MMP16: variants seen among roughly 807,000 people sequenced by gnomAD.
The protein encoded by MMP16 is matrix metallopeptidase 16.
In MMP16, 12 loss-of-function variants were observed where a neutral mutation model predicts 67.8. That is an observed-to-expected ratio of 0.18 (90% CI 0.11 to 0.29). The LOEUF (loss-of-function observed/expected upper bound fraction) is 0.29. MMP16 is among the 10% of genes least tolerant of loss of function. MMP16 has a pLI of 1.00. For missense variants in MMP16, 475 were observed against 765.7 expected, an observed-to-expected ratio of 0.62 and a Z score of 4.48; for synonymous variants, 249 against 255.9, an observed-to-expected ratio of 0.97 and a Z score of 0.26.
intron 6 of MMP16, among the ~76,000 whole-genome samples, chr8:88,087,789 A>G (rs1342181814): frequency 2.6e-5 from 4 of 151,352 alleles, no homozygotes; most frequent in Admixed American, 6.6e-5. Context: ...ACAAAAAACA[A>G]AAAAATAGCT....
chr8:88,287,302 T>C (rs970084813), intron 1 of MMP16, among the ~76,000 whole-genome samples: 2 of 152,208 alleles, frequency 1.3e-5, no homozygotes, highest in East Asian at 1.9e-4. Flanking sequence ...TCCTTCTGTA[T>C]GTTATTCTGT....
intron 1 of MMP16, among the ~76,000 whole-genome samples, chr8:88,261,634 T>C (rs1273640889): frequency 6.6e-6 from 1 of 152,000 alleles, no homozygotes; most frequent in East Asian, 1.9e-4. Context: ...AAATGGAGAC[T>C]GCGTATCATC....
At chr8:88,215,777 T>A (rs1183428795) in intron 1 of MMP16, among the ~76,000 whole-genome samples, 2 of 152,146 alleles carry the variant, frequency 1.3e-5, no homozygotes, top group African/African-American at 4.8e-5. Flanking sequence ...CAGGAAATAG[T>A]TTCATACTGA....
At chr8:88,292,498 T>C (rs1810941247) in intron 1 of MMP16, among the ~76,000 whole-genome samples, 2 of 152,184 alleles carry the variant, frequency 1.3e-5, no homozygotes, top group Admixed American at 6.5e-5. Flanking sequence ...CTTGAAATAA[T>C]ACTGGCTGTT....
chr8:88,161,690 G>A (rs113513706), intron 4 of MMP16, among the ~76,000 whole-genome samples: 2 of 152,136 alleles, frequency 1.3e-5, no homozygotes, highest in African/African-American at 4.8e-5. Context: ...TGGGCATGTA[G>A]TGCTATAAAT....
intron 3 of MMP16, among the ~76,000 whole-genome samples, chr8:88,183,712 C>CTTTTTTTTTTTTTTTT (rs71277981): frequency 1.1e-5 from 1 of 92,068 alleles, no homozygotes; most frequent in Non-Finnish European, 2.0e-5. Flanking sequence ...AAATGTCCTT[C>CTTTTTTTTTTTTTTTT]TTTTTTTTTT....
intron 7 of MMP16, among the ~76,000 whole-genome samples, chr8:88,068,581 G>C (rs1808493355): frequency 6.6e-6 from 1 of 151,664 alleles, no homozygotes; most frequent in South Asian, 2.1e-4. Context: ...GTGAATTGGA[G>C]GTTTGTTTTG....
At chr8:88,289,400 T>C (rs1004713800) in intron 1 of MMP16, among the ~76,000 whole-genome samples, 6 of 152,022 alleles carry the variant, frequency 3.9e-5, no homozygotes, top group African/African-American at 1.4e-4. Context: ...ATGATTATAA[T>C]AGCACATGTA....
chr8:88,201,144 C>CAA (rs71277984), intron 1 of MMP16, among the ~76,000 whole-genome samples: 11,047 of 108,830 alleles, frequency 0.1, 528 homozygotes, highest in Non-Finnish European at 0.14. Context: ...TTTCCCCCCC[C>CAA]AAAAAAAAAA....
At chr8:88,131,062 C>T (rs1029309675) in intron 4 of MMP16, among the ~76,000 whole-genome samples, 12 of 151,646 alleles carry the variant, frequency 7.9e-5, no homozygotes, top group Admixed American at 7.3e-4. Context: ...ATAATAGCAA[C>T]ATTCATGGGG....
At chr8:88,166,073 A>T (rs943025183) in intron 4 of MMP16, among the ~76,000 whole-genome samples, 16 of 152,208 alleles carry the variant, frequency 1.1e-4, no homozygotes, top group African/African-American at 3.6e-4. Flanking sequence ...TGTTATTTTA[A>T]ATTTAACTCA....
chr8:88,146,503 C>A (rs187324127), intron 4 of MMP16, among the ~76,000 whole-genome samples: 53 of 151,770 alleles, frequency 3.5e-4, no homozygotes, highest in Non-Finnish European at 6.5e-4. Context: ...TGTTTTTGAA[C>A]CTTAGAAAAA....
chr8:88,274,265 G>A (rs1427046372), intron 1 of MMP16, among the ~76,000 whole-genome samples: 2 of 152,022 alleles, frequency 1.3e-5, no homozygotes. Context: ...TGCCTGATGA[G>A]TACAATGAAA....
intron 1 of MMP16, among the ~76,000 whole-genome samples, chr8:88,272,264 A>G (rs1407839741): frequency 6.6e-6 from 1 of 152,202 alleles, no homozygotes; most frequent in Non-Finnish European, 1.5e-5. Context: ...TCCCATCAGC[A>G]ATATCATCAA....
intron 4 of MMP16, among the ~76,000 whole-genome samples, chr8:88,139,577 G>A (rs1370190212): frequency 6.6e-6 from 1 of 151,962 alleles, no homozygotes; most frequent in Admixed American, 6.6e-5. Flanking sequence ...ACAAAACATG[G>A]GAAAAGCAGG....
intron 3 of MMP16, among the ~76,000 whole-genome samples, chr8:88,174,979 C>G (rs959784291): frequency 6.6e-6 from 1 of 152,096 alleles, no homozygotes; most frequent in Non-Finnish European, 1.5e-5. Flanking sequence ...GTCTCGAACT[C>G]CTGACCTCAA....
chr8:88,126,176 CA>C (rs1391439544), intron 4 of MMP16, among the ~76,000 whole-genome samples: 5 of 151,670 alleles, frequency 3.3e-5, no homozygotes, highest in African/African-American at 1.2e-4. Context: ...TATTGATAAA[CA>C]ATTTATCATA....
intron 1 of MMP16, among the ~76,000 whole-genome samples, chr8:88,237,256 G>T (rs1302420843): frequency 6.6e-6 from 1 of 152,192 alleles, no homozygotes; most frequent in East Asian, 1.9e-4. Context: ...TATAGATGCA[G>T]AAACGAAGGG....
chr8:88,272,028 C>T (rs1349602332), intron 1 of MMP16, among the ~76,000 whole-genome samples: 1 of 152,164 alleles, frequency 6.6e-6, no homozygotes, highest in Non-Finnish European at 1.5e-5. Flanking sequence ...CCTGATAAAA[C>T]TTCATGAAGA....
Sources: allele counts gnomAD v4.1 joint callset (sites outside exome capture counted in the v4.1 genomes callset), GRCh38; gene constraint gnomAD v4.1.1; transcripts MANE v1.5; gene names NCBI Gene and HGNC (gene_info 2026-07-23, HGNC 2026-07-21).